Variants in SLITRK1 observed in about 807,000 individuals in gnomAD.
The protein encoded by SLITRK1 is SLIT and NTRK like family member 1.
A neutral mutation model predicts 42.4 loss-of-function variants in SLITRK1; 10 were observed. The observed-to-expected ratio is 0.24, with a 90% CI of 0.15 to 0.40. The LOEUF is 0.40. SLITRK1 is among the 10% of genes least tolerant of loss of function. SLITRK1 has a pLI of 1.00. For missense variants in SLITRK1, 778 were observed against 848.8 expected, an observed-to-expected ratio of 0.92 and a Z score of 1.04; for synonymous variants, 389 against 365.7, an observed-to-expected ratio of 1.06 and a Z score of -0.73.
chr13:83,879,528 C>T lies in SLITRK1; in HGVS notation c.1980G>A (p.Glu660=). The part of the protein sequence containing the change: ...KRRDANSSAS[E]INSLQTVCDS... Reference sequence around the variant, plus strand: ...CACAGACTGTCTGTAGGGAATTAATCTCGGACGCGGAGGAGTTGGCATCTC... The same window carrying T: ...CACAGACTGTCTGTAGGGAATTAATTTCGGACGCGGAGGAGTTGGCATCTC... Residue 660 remains glutamate, a synonymous_variant, in exon 2 of 2, where the codon GAG becomes GAA. Coordinates refer to ENST00000674365, the MANE Select transcript of SLITRK1 (RefSeq NM_001281503.2). 2 of 1,614,060 alleles carry T rather than the reference C, an allele frequency of 1.2e-6. No individual in the cohort carries two copies. Among genetic ancestry groups the T allele is most frequent in the East Asian group, 2.2e-5 (1 of 44,852 alleles).
In SLITRK1 at chr13:83,879,456, G is replaced by C; in HGVS notation, c.2052C>G (p.His684Gln). 6.2e-7 allele frequency: 1 copy of C among 1,613,808 alleles called. No homozygotes were observed. Among genetic ancestry groups the C allele is most frequent in the South Asian group, 1.1e-5 (1 of 91,078 alleles). ...HNGPYNADGA[H>Q]RVYDCGSHSL... ...AGTGAGAGCCACAGTCATACACTCT[G>C]TGGGCCCCATCTGCGTTGTAAGGCC... Residue 684 changes from histidine to glutamine, a missense_variant, in exon 2 of 2, where the codon CAC (histidine) becomes CAG (glutamine). His to Gln is a conservative substitution (Grantham distance 24). Coordinates refer to ENST00000674365, the MANE Select transcript of SLITRK1 (RefSeq NM_001281503.2).
In SLITRK1 at chr13:83,880,386, G is replaced by C. The variant is rs749904055; in HGVS notation, c.1122C>G (p.Leu374=). 34 of 1,613,916 alleles carry C rather than the reference G, an allele frequency of 2.1e-5. 1 individual carries two copies. The highest frequency in any genetic ancestry group is 2.9e-5 in the Non-Finnish European group (34 of 1,180,018). The change falls in exon 2 of 2, where the codon CTC becomes CTG. Residue 374 remains leucine (L), a synonymous_variant. Transcript: ENST00000674365. The part of the protein sequence containing the change: ...VSSLADLKPK[L]SNVQELFLRD... ...GTAGGAAAAGCTCCTGCACGTTAGA[G>C]AGCTTGGGCTTCAAATCAGCCAAGC...
At position 83,880,451 on chromosome 13, in the gene SLITRK1, A is replaced by C; in HGVS notation, c.1057T>G (p.Ser353Ala). 1.2e-6 allele frequency: 2 copies of C among 1,613,790 alleles called. No individual in the cohort carries two copies. Among genetic ancestry groups the C allele is most frequent in the South Asian group, 2.2e-5 (2 of 91,058 alleles). The change falls in exon 2 of 2, where the codon TCG becomes GCG. Residue 353 changes from serine to alanine, a missense_variant. Ser to Ala is a moderately conservative substitution (Grantham distance 99). Around this residue, in one of 4 missense-constraint regions of SLITRK1, gnomAD observed 395 missense variants for 360.4 expected, o/e 1.10. Coordinates refer to ENST00000674365, the MANE Select transcript of SLITRK1 (RefSeq NM_001281503.2). ...GGCSCDHIPG[S>A]GLKMNCNNRN... ...TTGTTGCAGTTCATCTTTAAACCCG[A>C]CCCTGGGATGTGGTCGCAGCTGCAG... is the stretch of plus-strand genomic sequence containing the variant.
In SLITRK1 at chr13:83,879,363, G is replaced by C. The variant is rs908477642; in HGVS notation, c.*54C>G. On this transcript the variant is annotated 3_prime_UTR_variant, in exon 2 of 2. Coordinates refer to ENST00000674365, the MANE Select transcript of SLITRK1 (RefSeq NM_001281503.2). ...CCCCTCCAGCCCCCGGGGTGCCTGC[G>C]GTGGGGAAGGATGTATCGCCTTCCC... The C allele has an allele frequency of 1.1e-5, 17 of 1,602,072 alleles. No individual in the cohort carries two copies. The highest frequency in any genetic ancestry group is 1.3e-5 in the African/African-American group (1 of 74,738).
rs1884742007 is a variant in SLITRK1 at position 83,878,789 on chromosome 13, T to C, written c.*628A>G. On this transcript the variant is annotated 3_prime_UTR_variant, in exon 2 of 2. Transcript: ENST00000674365. The stretch of plus-strand genomic sequence containing the variant: ...ATACTGTATTTTGTTTATAGAAAGT[T>C]TGATACGATGGAACTTATCAGGTAA... 1 of 153,584 alleles carries C rather than the reference T, an allele frequency of 6.5e-6. No individual in the cohort carries two copies. Among genetic ancestry groups the C allele is most frequent in the South Asian group, 2.0e-4 (1 of 4,884 alleles). 9.5% of individuals were successfully genotyped at this position (153,584 alleles called of 1,614,324 possible). A position where few individuals can be genotyped will look rare whatever the true frequency, so the allele number is the denominator to read the frequency against.
rs1313233086 is a variant in SLITRK1, at chr13:83,878,552, AT to A, written c.*864del. On this transcript the variant is annotated 3_prime_UTR_variant, in exon 2 of 2. Transcript: ENST00000674365. Reference sequence around the variant, plus strand: ...TTAAAAAAAAGACCCCCTGAAAAAAATAAAATAAAATAAAACATCACCATCA... The same window carrying A: ...TTAAAAAAAAGACCCCCTGAAAAAAAAAAATAAAATAAAACATCACCATCA... 1 of 151,614 alleles carries A rather than the reference AT, an allele frequency of 6.6e-6. No homozygotes were observed. Among genetic ancestry groups the A allele is most frequent in the African/African-American group, 2.5e-5 (1 of 40,534 alleles). The allele number at this position is 151,614 out of a possible 1,614,324, so 9.4% of individuals were successfully genotyped here. A position where few individuals can be genotyped will look rare whatever the true frequency, so the allele number is the denominator to read the frequency against.
intron 1 of SLITRK1, 190 bp from the exon 2 acceptor site, chr13:83,881,750 A>AG (rs1491317021): frequency 3.6e-6 from 1 of 277,752 alleles, no homozygotes; most frequent in Non-Finnish European, 6.8e-6. Context: ...AGGCAAGCAA[A>AG]GAAAAAAAAA....
Position 83,879,812 on chromosome 13 carries a change from T to C in SLITRK1, c.1696A>G (p.Arg566Gly), listed in dbSNP as rs866876812. The change falls in exon 2 of 2, where the codon AGA (arginine) becomes GGA (glycine). Residue 566 changes from arginine (R) to glycine (G), a missense_variant. Coordinates refer to ENST00000674365, the MANE Select transcript of SLITRK1 (RefSeq NM_001281503.2). ...LKCETPVNFF[R>G]KDFMLLSNDE... ...TTGGAGAGGAGCATGAAATCCTTTC[T>C]AAAGAAGTTCACCGGCGTCTCACAC... is the stretch of plus-strand genomic sequence containing the variant. 3 of 1,614,080 alleles carry C rather than the reference T, an allele frequency of 1.9e-6. No individual in the cohort carries two copies. In the African/African-American group the frequency reaches 4.0e-5, roughly 22 times the overall value.
chr13:83,880,258 T>G lies in SLITRK1; in HGVS notation c.1250A>C (p.Asn417Thr), dbSNP rs1474736871. The change falls in exon 2 of 2, where the codon AAC becomes ACC. Residue 417 changes from asparagine (N) to threonine (T), a missense_variant. Physicochemically the swap from Asn to Thr is moderately conservative, Grantham distance 65. Coordinates refer to ENST00000674365, the MANE Select transcript of SLITRK1 (RefSeq NM_001281503.2). ...GNNNIATVEN[N>T]TFKNLLDLRW... The stretch of plus-strand genomic sequence containing the variant: ...GAGGTCCAAAAGGTTCTTGAAAGTG[T>G]TGTTCTCTACAGTAGCGATGTTATT... The G allele has an allele frequency of 1.2e-6, 2 of 1,614,062 alleles. No individual in the cohort carries two copies. The highest frequency in any genetic ancestry group is 4.5e-5 in the East Asian group (2 of 44,844).
chr13:83,881,353 C>T lies in SLITRK1; in HGVS notation c.155G>A (p.Arg52His). The T allele has an allele frequency of 1.2e-6, 2 of 1,614,142 alleles. No homozygotes were observed. Among genetic ancestry groups the T allele is most frequent in the East Asian group, 4.5e-5 (2 of 44,878 alleles). ...AAACTGGGAAGTCGGGGCAGTGAAA[C>T]GCTGCAGACTTGTGAAGCCCTTTTT... ...CEKKGFTSLQRFTAPTSQFYH... is the reference protein window; with the variant it reads ...CEKKGFTSLQHFTAPTSQFYH... Residue 52 changes from arginine (R) to histidine (H), a missense_variant, in exon 2 of 2, where the codon CGT (arginine) becomes CAT (histidine). Around this residue, in one of 4 missense-constraint regions of SLITRK1, gnomAD observed 204 missense variants for 295.3 expected, o/e 0.69. Transcript: ENST00000674365.
In SLITRK1 at chr13:83,882,318, T is replaced by C. The variant is rs1289232524; in HGVS notation, c.-368A>G. 1 of 155,176 alleles carries C rather than the reference T, an allele frequency of 6.4e-6. No individual in the cohort carries two copies. The highest frequency in any genetic ancestry group is 1.5e-5 in the Non-Finnish European group (1 of 66,020). 9.6% of individuals were successfully genotyped at this position (155,176 alleles called of 1,614,324 possible). On this transcript the variant is annotated 5_prime_UTR_variant, in exon 1 of 2. Transcript: ENST00000674365. ...CTTCTTTTCCTGTTCTCCTTCTCTT[T>C]CTTCTGCTCTTTCGGAATTACGTGG...
rs1884797220 is a variant in SLITRK1, at chr13:83,880,762, C to T, written c.746G>A (p.Gly249Asp). ...VVCEAPTRLQ[G>D]KDLNETTEQD... Reference sequence around the variant, plus strand: ...TTCGGTGGTTTCATTGAGGTCTTTACCCTGCAGTCTGGTGGGGGCTTCGCA... The same window carrying T: ...TTCGGTGGTTTCATTGAGGTCTTTATCCTGCAGTCTGGTGGGGGCTTCGCA... Residue 249 changes from glycine (G) to aspartate (D), a missense_variant, in exon 2 of 2, where the codon GGT becomes GAT. Gly to Asp is a moderately conservative substitution (Grantham distance 94, BLOSUM62 -1). Transcript: ENST00000674365. 1 of 1,613,986 alleles carries T rather than the reference C, an allele frequency of 6.2e-7. No homozygotes were observed.
Position 83,880,968 on chromosome 13 carries a change from G to A in SLITRK1, c.540C>T (p.Thr180=). ...PANVFQYVPI[T]HLDLRGNRLK... ...GCCTGTTACCCCGGAGGTCGAGGTG[G>A]GTGATGGGCACATACTGGAACACGT... is the stretch of plus-strand genomic sequence containing the variant. Residue 180 remains threonine, a synonymous_variant, in exon 2 of 2, where the codon ACC becomes ACT. Transcript: ENST00000674365. 1.2e-6 allele frequency: 2 copies of A among 1,614,078 alleles called. No individual in the cohort carries two copies. The highest frequency in any genetic ancestry group is 1.7e-5 in the Admixed American group (1 of 60,014).
At position 83,880,953 on chromosome 13, in the gene SLITRK1, C is replaced by T. The variant is rs926654914; in HGVS notation, c.555G>A (p.Arg185=). The change falls in exon 2 of 2, where the codon CGG becomes CGA. Residue 185 remains arginine, a synonymous_variant. Coordinates refer to ENST00000674365, the MANE Select transcript of SLITRK1 (RefSeq NM_001281503.2). ...AGGGCAGCGTTTTCAGCCTGTTACC[C>T]CGGAGGTCGAGGTGGGTGATGGGCA... ...QYVPITHLDL[R]GNRLKTLPYE... 1.4e-5 allele frequency: 22 copies of T among 1,613,946 alleles called. No homozygotes were observed. The highest frequency in any genetic ancestry group is 1.9e-5 in the Non-Finnish European group (22 of 1,180,024).
At position 83,879,639 on chromosome 13, in the gene SLITRK1, T is replaced by C. The variant is rs777881629; in HGVS notation, c.1869A>G (p.Gly623=). 6.8e-6 allele frequency: 11 copies of C among 1,613,784 alleles called. No individual in the cohort carries two copies. The highest frequency in any genetic ancestry group is 1.3e-5 in the African/African-American group (1 of 74,856). Residue 623 remains glycine, a synonymous_variant, in exon 2 of 2, where the codon GGA becomes GGG. Coordinates refer to ENST00000674365, the MANE Select transcript of SLITRK1 (RefSeq NM_001281503.2). Reference sequence around the variant, plus strand: ...CGGAGGTGACAAACACCAGCAGCAGTCCCGGGACCAACACCGAGATGGACA... The same window carrying C: ...CGGAGGTGACAAACACCAGCAGCAGCCCCGGGACCAACACCGAGATGGACA... The part of the protein sequence containing the change: ...SRVSISVLVP[G]LLLVFVTSAF...
At position 83,879,535 on chromosome 13, in the gene SLITRK1, G is replaced by A; in HGVS notation, c.1973C>T (p.Ala658Val). 4 of 1,614,082 alleles carry A rather than the reference G, an allele frequency of 2.5e-6. No homozygotes were observed. The highest frequency in any genetic ancestry group is 3.4e-6 in the Non-Finnish European group (4 of 1,180,016). ...TGTCTGTAGGGAATTAATCTCGGAC[G>A]CGGAGGAGTTGGCATCTCGTCTCTT... The part of the protein sequence containing the change: ...RSKRRDANSS[A>V]SEINSLQTVC... Residue 658 changes from alanine to valine, a missense_variant, in exon 2 of 2, where the codon GCG (alanine) becomes GTG (valine). Physicochemically the swap from Ala to Val is moderately conservative, Grantham distance 64. This residue lies in a region of SLITRK1 where 164 missense variants were observed against 158.2 expected (regional missense o/e 1.04). Coordinates refer to ENST00000674365, the MANE Select transcript of SLITRK1 (RefSeq NM_001281503.2).
chr13:83,879,029 G>T lies in SLITRK1; in HGVS notation c.*388C>A, dbSNP rs74099449. ...GGGGCTAATCCACAGGGGAAAAATAGATATCTATCTCTCTATATAGATGTG... is the reference window on the plus strand; with the variant it reads ...GGGGCTAATCCACAGGGGAAAAATATATATCTATCTCTCTATATAGATGTG... On this transcript the variant is annotated 3_prime_UTR_variant, in exon 2 of 2. Coordinates refer to ENST00000674365, the MANE Select transcript of SLITRK1 (RefSeq NM_001281503.2). The T allele has an allele frequency of 9.3e-4, 187 of 200,118 alleles. 1 individual carries two copies. Among genetic ancestry groups the T allele is most frequent in the African/African-American group, 4.2e-3 (179 of 43,110 alleles). The allele number at this position is 200,118 out of a possible 1,614,324, so 12.4% of individuals were successfully genotyped here.
In SLITRK1 at chr13:83,878,385, A is replaced by T. The variant is rs979128230; in HGVS notation, c.*1032T>A. 5.2e-5 allele frequency: 8 copies of T among 152,614 alleles called. No individual in the cohort carries two copies. Among genetic ancestry groups the T allele is most frequent in the African/African-American group, 1.9e-4 (8 of 41,444 alleles). The allele number at this position is 152,614 out of a possible 1,614,324, so 9.5% of individuals were successfully genotyped here. On this transcript the variant is annotated 3_prime_UTR_variant, in exon 2 of 2. Coordinates refer to ENST00000674365, the MANE Select transcript of SLITRK1 (RefSeq NM_001281503.2). ...ACCAGCACAGAATTGCTACCATAGGATCGCAGCCTAAGCACTAGAGTGACA... is the reference window on the plus strand; with the variant it reads ...ACCAGCACAGAATTGCTACCATAGGTTCGCAGCCTAAGCACTAGAGTGACA...
rs1277971926 is a variant in SLITRK1 at position 83,879,936 on chromosome 13, T to C, written c.1572A>G (p.Ile524Met). The part of the protein sequence containing the change: ...VLDQLTSIIQ[I>M]DLHGNPWECS... The stretch of plus-strand genomic sequence containing the variant: ...ACTCCCAGGGGTTTCCGTGGAGGTC[T>C]ATCTGGATGATGGAGGTTAACTGGT... Residue 524 changes from isoleucine to methionine, a missense_variant, in exon 2 of 2, where the codon ATA becomes ATG. Physicochemically the swap from Ile to Met is conservative, Grantham distance 10. This residue lies in a region of SLITRK1 where 395 missense variants were observed against 360.4 expected (regional missense o/e 1.10). Coordinates refer to ENST00000674365, the MANE Select transcript of SLITRK1 (RefSeq NM_001281503.2). 3.7e-6 allele frequency: 6 copies of C among 1,613,988 alleles called. No individual in the cohort carries two copies. The highest frequency in any genetic ancestry group is 1.3e-5 in the African/African-American group (1 of 74,914).
Sources: allele counts gnomAD v4.1 joint callset, GRCh38; gene constraint gnomAD v4.1.1; regional missense constraint gnomAD v4.1.1; transcripts MANE v1.5; gene names NCBI Gene and HGNC (gene_info 2026-07-23, HGNC 2026-07-21).